FLT1: variants seen among roughly 807,000 people sequenced by gnomAD.
FLT1 encodes the protein vascular endothelial growth factor receptor 1.
FLT1 carries 49 observed loss-of-function variants against 156.3 expected under a neutral mutation model. The observed-to-expected ratio is 0.31, with a 90% CI of 0.25 to 0.40. The LOEUF is 0.40. FLT1 is among the 10% of genes least tolerant of loss of function. The pLI, the probability that FLT1 is intolerant of heterozygous loss-of-function variation, is 1.00. For missense variants in FLT1, 1,322 were observed against 1,637.2 expected (o/e 0.81, Z 3.32); for synonymous variants, 594 against 583.8 (o/e 1.02, Z -0.25).
At chr13:28,368,012 T>C (rs1015125619) in intron 14 of FLT1, 12 of 259,586 alleles carry the variant, frequency 4.6e-5, no homozygotes, top group Non-Finnish European at 6.0e-5. Context: ...ATTATGTTTG[T>C]TTTTCAAAGG....
chr13:28,391,696 G>A (rs1427394830), intron 12 of FLT1, among the ~76,000 whole-genome samples: 1 of 152,168 alleles, frequency 6.6e-6, no homozygotes, highest in Non-Finnish European at 1.5e-5. Flanking sequence ...ACTGAGACCT[G>A]TCTCAGATAT....
intron 13 of FLT1, 174 bp downstream of exon 13, chr13:28,389,622 C>G: frequency 6.8e-7 from 1 of 1,467,110 alleles, no homozygotes; most frequent in African/African-American, 1.4e-5. Flanking sequence ...GGAGGAGCAT[C>G]TCCTCCGAGC....
intron 14 of FLT1, among the ~76,000 whole-genome samples, chr13:28,383,299 AG>A (rs1161498682): frequency 1.3e-5 from 2 of 152,358 alleles, no homozygotes; most frequent in Non-Finnish European, 2.9e-5. Flanking sequence ...CAAAAACCAA[AG>A]AACTTTTCAC....
intron 14 of FLT1, among the ~76,000 whole-genome samples, chr13:28,359,019 G>A (rs112076306): frequency 6.6e-6 from 1 of 152,228 alleles, no homozygotes; most frequent in Non-Finnish European, 1.5e-5. Flanking sequence ...GATAAAACAG[G>A]CCTGGCCAGA....
chr13:28,490,444 C>T (rs532571429), intron 1 of FLT1, among the ~76,000 whole-genome samples: 2 of 152,342 alleles, frequency 1.3e-5, no homozygotes, highest in South Asian at 4.1e-4. Context: ...CCTGCAGCCC[C>T]GTGAGCTAAG....
intron 1 of FLT1, among the ~76,000 whole-genome samples, chr13:28,473,612 T>C (rs937310684): frequency 5.5e-5 from 8 of 145,108 alleles, no homozygotes; most frequent in Admixed American, 2.1e-4. Flanking sequence ...GCAATTGCAC[T>C]CCAGCCTGGG....
At chr13:28,423,815 T>C (rs1877154952) in intron 10 of FLT1, among the ~76,000 whole-genome samples, 1 of 152,242 alleles carries the variant, frequency 6.6e-6, no homozygotes, top group Non-Finnish European at 1.5e-5. Context: ...TTTAGGAATA[T>C]CTATTTAGAA....
At chr13:28,434,976 C>T (rs551063284) in intron 4 of FLT1, among the ~76,000 whole-genome samples, 1 of 152,286 alleles carries the variant, frequency 6.6e-6, no homozygotes, top group South Asian at 2.1e-4. Flanking sequence ...TTTAACAAGC[C>T]ATAGTTTTTC....
intron 3 of FLT1, among the ~76,000 whole-genome samples, chr13:28,459,743 G>A (rs1879459187): frequency 6.6e-6 from 1 of 152,200 alleles, no homozygotes; most frequent in Non-Finnish European, 1.5e-5. Context: ...GAATTTTGAT[G>A]AATAGAAACA....
intron 23 of FLT1, among the ~76,000 whole-genome samples, chr13:28,320,554 T>C (rs1315084761): frequency 6.6e-6 from 1 of 152,144 alleles, no homozygotes; most frequent in Non-Finnish European, 1.5e-5. Flanking sequence ...TTTTTTTTTT[T>C]TTTTAGCTCA....
At chr13:28,364,088 G>A (rs2137418963) in intron 14 of FLT1, among the ~76,000 whole-genome samples, 2 of 152,178 alleles carry the variant, frequency 1.3e-5, no homozygotes, top group East Asian at 3.9e-4. Context: ...TTGTCTTTTT[G>A]TCAACGATTT....
At chr13:28,360,685 G>A (rs1290072873) in intron 14 of FLT1, among the ~76,000 whole-genome samples, 1 of 152,220 alleles carries the variant, frequency 6.6e-6, no homozygotes, top group Non-Finnish European at 1.5e-5. Context: ...ACAGGCTGGG[G>A]TGGGGAGAGT....
Position 28,427,271 on chromosome 13 carries a change from C to T in FLT1, c.1324G>A (p.Ala442Thr), listed in dbSNP as rs2137538541. 6.2e-7 allele frequency: 1 copy of T among 1,613,890 alleles called. No homozygotes were observed. The part of the protein sequence containing the change: ...EKAVSSFPDP[A>T]LYPLGSRQIL... Reference sequence around the variant, plus strand: ...TGTCTGCTGCCCAGTGGGTAGAGAGCCGGGTCTGGAAACGATGACACGGCC... The same window carrying T: ...TGTCTGCTGCCCAGTGGGTAGAGAGTCGGGTCTGGAAACGATGACACGGCC... The change falls in exon 10 of 30, where the codon GCT becomes ACT. Residue 442 changes from alanine (A) to threonine (T), a missense_variant. Coordinates refer to ENST00000282397, the MANE Select transcript of FLT1 (RefSeq NM_002019.4).
At chr13:28,413,626 G>A (rs759988099) in intron 10 of FLT1, among the ~76,000 whole-genome samples, 7 of 152,126 alleles carry the variant, frequency 4.6e-5, no homozygotes, top group Non-Finnish European at 1.0e-4. Flanking sequence ...AATATTAGGA[G>A]TGCCTACAAA....
chr13:28,415,272 G>C (rs983611441), intron 10 of FLT1, among the ~76,000 whole-genome samples: 1 of 152,214 alleles, frequency 6.6e-6, no homozygotes, highest in African/African-American at 2.4e-5. Flanking sequence ...CTGAGGTTGG[G>C]AGTTCGAGAC....
In FLT1 at chr13:28,319,553, G is replaced by A. The variant is rs764942559; in HGVS notation, c.3175-19C>T. The A allele has an allele frequency of 1.3e-5, 20 of 1,481,914 alleles. No homozygotes were observed. The highest frequency in any genetic ancestry group is 1.7e-4 in the Middle Eastern group (1 of 5,828). The allele number at this position is 1,481,914 out of a possible 1,614,324, so 91.8% of individuals were successfully genotyped here. A position where few individuals can be genotyped will look rare whatever the true frequency, so the allele number is the denominator to read the frequency against. On this transcript the variant is annotated intron_variant, in intron 23 of 29. Transcript: ENST00000282397. The stretch of plus-strand genomic sequence containing the variant: ...GTCGAGTCTAGAAGAGGGCAAGGGG[G>A]CCTTGAGCAGAAGGGCATGAAAACA...
At chr13:28,382,286 G>C (rs898941066) in intron 14 of FLT1, among the ~76,000 whole-genome samples, 1 of 152,190 alleles carries the variant, frequency 6.6e-6, no homozygotes, top group African/African-American at 2.4e-5. Context: ...CAGGCGGAGA[G>C]TAAACAGGAA....
intron 14 of FLT1, among the ~76,000 whole-genome samples, chr13:28,371,078 A>C (rs1444640450): frequency 5.9e-5 from 9 of 152,222 alleles, no homozygotes; most frequent in Admixed American, 5.9e-4. Flanking sequence ...TTTGACATAG[A>C]AAGACCTCCA....
chr13:28,306,945 G>A (rs183393420), intron 28 of FLT1, among the ~76,000 whole-genome samples, 173 bp from the exon 29 acceptor site: 105 of 152,230 alleles, frequency 6.9e-4, no homozygotes, highest in Non-Finnish European at 1.3e-3. Flanking sequence ...AACTTGACCC[G>A]CTGCAAATCA....
Sources: gnomAD v4.1 joint callset for allele counts (sites outside exome capture counted in the v4.1 genomes callset) on GRCh38, gnomAD v4.1.1 for gene constraint, MANE v1.5 for transcripts, NCBI Gene and HGNC (gene_info 2026-07-23, HGNC 2026-07-21) for gene names.